Variants in C1QTNF7 observed in about 807,000 individuals in gnomAD.
The protein encoded by C1QTNF7 is complement C1q tumor necrosis factor-related protein 7.
C1QTNF7 carries 15 observed loss-of-function variants against 19.6 expected under a neutral mutation model. The observed-to-expected ratio is 0.76, with a 90% confidence interval of 0.51 to 1.18. C1QTNF7 has a LOEUF of 1.18. C1QTNF7 is among the 50% of genes most tolerant of loss of function. The pLI is 0.00. For missense variants in C1QTNF7, 324 were observed against 359.7 expected (o/e 0.90, Z 0.80); for synonymous variants, 142 against 137.5 (o/e 1.03, Z -0.23).
At position 15,415,912 on chromosome 4, in the gene C1QTNF7, G is replaced by T. The variant is rs180863330; in HGVS notation, c.14-19824G>T. ...AGAACTGCAAAACAGTCCTTTTGTT[G>T]ATGTGCATTGATTTAACTAATCTTT... On this transcript the variant is annotated intron_variant, in intron 1 of 2. Transcript: ENST00000295297. Among the ~76,000 whole-genome samples the T allele has an allele frequency of 3.9e-4, 59 of 152,174 alleles. No homozygotes were observed. In the East Asian group the frequency reaches 0.011, roughly 29 times the overall value.
At chr4:15,383,583 C>G (rs761747400) in intron 1 of C1QTNF7, among the ~76,000 whole-genome samples, 1 of 152,260 alleles carries the variant, frequency 6.6e-6, no homozygotes, top group Non-Finnish European at 1.5e-5. Context: ...CCTAGCTGGC[C>G]TTAGCCAGAA....
intron 1 of C1QTNF7, among the ~76,000 whole-genome samples, chr4:15,347,106 C>A (rs1190589999): frequency 6.6e-6 from 1 of 152,164 alleles, no homozygotes; most frequent in African/African-American, 2.4e-5. Context: ...TTCTTGAAGA[C>A]AATTTATGTG....
intron 1 of C1QTNF7, among the ~76,000 whole-genome samples, chr4:15,433,189 T>C (rs1003764470): frequency 2.0e-5 from 3 of 152,148 alleles, no homozygotes; most frequent in Non-Finnish European, 4.4e-5. Flanking sequence ...TATGAACCTT[T>C]ATTTTTTTGG....
chr4:15,356,414 G>A (rs1025256536), intron 1 of C1QTNF7, among the ~76,000 whole-genome samples: 1 of 152,112 alleles, frequency 6.6e-6, no homozygotes, highest in Admixed American at 6.6e-5. Context: ...CCATGTCCCT[G>A]CAAAGGACAT....
At chr4:15,425,954 G>C (rs113271143), upstream of C1QTNF7, among the ~76,000 whole-genome samples, 11 of 152,250 alleles carry the variant, frequency 7.2e-5, no homozygotes, top group African/African-American at 2.6e-4. Flanking sequence ...TCTGCATTCA[G>C]TGAAGGTCAG....
intron 1 of C1QTNF7, among the ~76,000 whole-genome samples, chr4:15,431,308 G>A (rs929169458): frequency 1.1e-4 from 17 of 152,076 alleles, no homozygotes; most frequent in South Asian, 4.1e-4. Context: ...AAAAGGCAAC[G>A]TACAGAACAT....
chr4:15,384,713 CA>C (rs1262626154), intron 1 of C1QTNF7, among the ~76,000 whole-genome samples: 1 of 152,208 alleles, frequency 6.6e-6, no homozygotes, highest in African/African-American at 2.4e-5. Flanking sequence ...TTTTTGTAAG[CA>C]TAAACTTTAC....
At position 15,435,921 on chromosome 4, in the gene C1QTNF7, C is replaced by G. The variant is rs771821526; in HGVS notation, c.178C>G (p.Leu60Val). Residue 60 changes from leucine to valine, a missense_variant, in exon 2 of 3, where the codon CTT becomes GTT. By Grantham distance (32) the Leu-to-Val change is conservative. Transcript: ENST00000444304. Reference sequence around the variant, plus strand: ...CCCTGGGCCCCATGGTCGCATCGGCCTTCCAGGAAGAGATGGTAGAGACGG... The same window carrying G: ...CCCTGGGCCCCATGGTCGCATCGGCGTTCCAGGAAGAGATGGTAGAGACGG... Reference protein sequence around the residue: ...GSPGPHGRIGLPGRDGRDGRK... With the variant: ...GSPGPHGRIGVPGRDGRDGRK... 1.2e-6 allele frequency: 2 copies of G among 1,614,066 alleles called. No individual in the cohort carries two copies. The highest frequency in any genetic ancestry group is 1.7e-6 in the Non-Finnish European group (2 of 1,180,006).
At chr4:15,355,170 C>G (rs913482576) in intron 1 of C1QTNF7, among the ~76,000 whole-genome samples, 2 of 152,060 alleles carry the variant, frequency 1.3e-5, no homozygotes, top group African/African-American at 4.8e-5. Context: ...GCATCTTACC[C>G]AAAGTAAGGA....
chr4:15,438,119 C>A (rs1392020542), intron 2 of C1QTNF7, among the ~76,000 whole-genome samples: 2 of 152,128 alleles, frequency 1.3e-5, no homozygotes, highest in Non-Finnish European at 2.9e-5. Context: ...TCTACTATAA[C>A]CCTATTAGCA....
chr4:15,391,419 T>A (rs1718553166), intron 1 of C1QTNF7, among the ~76,000 whole-genome samples: 1 of 152,034 alleles, frequency 6.6e-6, no homozygotes, highest in South Asian at 2.1e-4. Context: ...CCACCTGAAC[T>A]GTACGTTTTG....
upstream of C1QTNF7, among the ~76,000 whole-genome samples, chr4:15,423,139 C>A (rs1711862088): frequency 6.6e-6 from 1 of 152,170 alleles, no homozygotes; most frequent in Non-Finnish European, 1.5e-5. Context: ...CTGCAGGGAC[C>A]TGAGTTCCAG....
chr4:15,412,616 A>G (rs1719444748), intron 1 of C1QTNF7, among the ~76,000 whole-genome samples: 1 of 152,184 alleles, frequency 6.6e-6, no homozygotes, highest in Admixed American at 6.5e-5. Context: ...AAGACTCTTC[A>G]TTTAATCACA....
upstream of C1QTNF7, among the ~76,000 whole-genome samples, chr4:15,425,638 G>A (rs1468367785): frequency 6.6e-6 from 1 of 152,106 alleles, no homozygotes; most frequent in African/African-American, 2.4e-5. Context: ...AGGAAATATG[G>A]TAAGTAGTTA....
chr4:15,377,897 C>G (rs1010203208), intron 1 of C1QTNF7, among the ~76,000 whole-genome samples: 5 of 152,186 alleles, frequency 3.3e-5, no homozygotes, highest in African/African-American at 1.2e-4. Flanking sequence ...AGTTCCTTTC[C>G]TCTTTAGCTC....
intron 1 of C1QTNF7, among the ~76,000 whole-genome samples, chr4:15,350,496 G>C (rs1385027553): frequency 6.6e-6 from 1 of 151,978 alleles, no homozygotes; most frequent in Admixed American, 6.5e-5. Flanking sequence ...TGACCTCTGA[G>C]ATCTGCAGAT....
chr4:15,394,713 C>T (rs994561946), intron 1 of C1QTNF7, among the ~76,000 whole-genome samples: 1 of 152,062 alleles, frequency 6.6e-6, no homozygotes, highest in Non-Finnish European at 1.5e-5. Context: ...TGTTGGATTC[C>T]GATGGAACTA....
chr4:15,356,343 T>C (rs1235423144), intron 1 of C1QTNF7, among the ~76,000 whole-genome samples: 3 of 151,880 alleles, frequency 2.0e-5, no homozygotes, highest in South Asian at 4.2e-4. Context: ...AGTGAGAACA[T>C]GCAGTGTTTG....
upstream of C1QTNF7, among the ~76,000 whole-genome samples, chr4:15,425,914 C>A (rs1221964453): frequency 6.6e-6 from 1 of 152,102 alleles, no homozygotes; most frequent in Non-Finnish European, 1.5e-5. Flanking sequence ...AGTGCGAATT[C>A]TACAATTCTA....
Sources: gnomAD v4.1 joint callset for allele counts (sites outside exome capture counted in the v4.1 genomes callset) on GRCh38, gnomAD v4.1.1 for gene constraint, MANE v1.5 for transcripts, NCBI Gene and HGNC (gene_info 2026-07-23, HGNC 2026-07-21) for gene names.